EFL1: variants seen among roughly 807,000 people sequenced by gnomAD.
EFL1 encodes elongation factor-like GTPase 1.
EFL1 carries 76 observed loss-of-function variants against 126.7 expected under a neutral mutation model. The ratio of observed to expected loss-of-function variants is 0.60; its 90% CI spans 0.50 to 0.73. The LOEUF (loss-of-function observed/expected upper bound fraction) is 0.73, where lower values mean the gene tolerates loss of function less well. Ranked by LOEUF, EFL1 falls within the 30% of genes least tolerant of loss-of-function variation. The pLI, the probability that EFL1 is intolerant of heterozygous loss-of-function variation, is 0.00. For missense variants in EFL1, 1,128 were observed against 1,343.2 expected (o/e 0.84, Z 2.50); for synonymous variants, 410 against 448.4 (o/e 0.91, Z 1.08).
At chr15:82,252,405 A>C in intron 4 of EFL1, among the ~76,000 whole-genome samples, 1 of 152,228 alleles carries the variant, frequency 6.6e-6, no homozygotes, top group East Asian at 1.9e-4. Flanking sequence ...AGGCTGAACC[A>C]GCTAAAGTCC....
chr15:82,203,091 G>A (rs771534916), intron 15 of EFL1, among the ~76,000 whole-genome samples: 2 of 152,048 alleles, frequency 1.3e-5, no homozygotes, highest in African/African-American at 2.4e-5. Context: ...GATTACAGGC[G>A]TGACCCACCA....
chr15:82,238,309 A>G lies in EFL1; in HGVS notation c.729T>C (p.Phe243=), dbSNP rs761607667. 6.2e-7 allele frequency: 1 copy of G among 1,614,034 alleles called. No homozygotes were observed. Among genetic ancestry groups the G allele is most frequent in the Admixed American group, 1.7e-5 (1 of 60,018 alleles). The change falls in exon 7 of 20, where the codon TTT becomes TTC. Residue 243 remains phenylalanine, a splice_region_variant and synonymous_variant. Coordinates refer to ENST00000268206, the MANE Select transcript of EFL1 (RefSeq NM_024580.6). ...VFTSAIDGWG[F]GIEHFARIYS... is the part of the protein sequence containing the mutation. ...TAATCAGATGCAAACAGACTTACCC[A>G]AAGCCCCACCCATCTATTGCACTGG...
intron 12 of EFL1, among the ~76,000 whole-genome samples, chr15:82,221,503 C>T (rs1806282435): frequency 6.6e-6 from 1 of 152,146 alleles, no homozygotes. Flanking sequence ...CAGATATCCG[C>T]CTGCTGGACA....
chr15:82,176,598 C>T (rs1352077231), intron 15 of EFL1, among the ~76,000 whole-genome samples: 2 of 152,152 alleles, frequency 1.3e-5, no homozygotes, highest in African/African-American at 4.8e-5. Context: ...CTTCTCTAGT[C>T]ACCAGCAAAA....
intron 15 of EFL1, among the ~76,000 whole-genome samples, chr15:82,176,821 G>C (rs2074200481): frequency 1.3e-5 from 2 of 152,066 alleles, no homozygotes; most frequent in South Asian, 4.1e-4. Flanking sequence ...ACATGTATAA[G>C]AATATTCAAA....
intron 15 of EFL1, among the ~76,000 whole-genome samples, chr15:82,181,114 T>C (rs917547031): frequency 1.3e-5 from 2 of 152,138 alleles, no homozygotes; most frequent in Non-Finnish European, 2.9e-5. Flanking sequence ...ATGGATAAAA[T>C]GGTATCCCAA....
At chr15:82,171,428 G>T (rs992322646) in intron 15 of EFL1, among the ~76,000 whole-genome samples, 3 of 152,174 alleles carry the variant, frequency 2.0e-5, no homozygotes, top group African/African-American at 7.2e-5. Flanking sequence ...TGGGAATGTG[G>T]AAATGACGAA....
At chr15:82,142,408 T>A (rs191470913) in intron 18 of EFL1, among the ~76,000 whole-genome samples, 16 of 152,236 alleles carry the variant, frequency 1.1e-4, no homozygotes, top group African/African-American at 3.9e-4. Flanking sequence ...GAGGATCATC[T>A]GAGCTCAGGA....
rs144726723 is a variant in EFL1, at chr15:82,172,503, C to T, written c.1751-8519G>A. Among the ~76,000 whole-genome samples, 3 of 152,256 alleles carry T rather than the reference C, an allele frequency of 2.0e-5. No homozygotes were observed. In the East Asian group the frequency reaches 5.8e-4, roughly 29 times the overall value. ...CTTTGCATGTGTGAAAATATCTTCC[C>T]GTACAAGAATTACCCTCTTTGTACA... On this transcript the variant is annotated intron_variant, in intron 15 of 19. Coordinates refer to ENST00000268206, the MANE Select transcript of EFL1 (RefSeq NM_024580.6).
At chr15:82,247,591 T>TA (rs1779288344) in intron 4 of EFL1, among the ~76,000 whole-genome samples, 3 of 152,042 alleles carry the variant, frequency 2.0e-5, no homozygotes, top group African/African-American at 7.3e-5. Context: ...AACCCAGAGA[T>TA]ACGTGGAACA....
At chr15:82,176,362 C>T (rs2074196367) in intron 15 of EFL1, among the ~76,000 whole-genome samples, 1 of 152,108 alleles carries the variant, frequency 6.6e-6, no homozygotes, top group South Asian at 2.1e-4. Flanking sequence ...AAACTAAGAA[C>T]TTCCGTTTAT....
At chr15:82,173,822 T>A (rs2074162032) in intron 15 of EFL1, among the ~76,000 whole-genome samples, 1 of 152,174 alleles carries the variant, frequency 6.6e-6, no homozygotes, top group Admixed American at 6.5e-5. Flanking sequence ...ATTTTATTTT[T>A]TCTATATTTA....
At position 82,151,682 on chromosome 15, in the gene EFL1, T is replaced by G. The variant is rs1294297982; in HGVS notation, c.2772A>C (p.Gly924=). 11 of 1,614,182 alleles carry G rather than the reference T, an allele frequency of 6.8e-6. No homozygotes were observed. Among genetic ancestry groups the G allele is most frequent in the Non-Finnish European group, 9.3e-6 (11 of 1,180,024 alleles). ...CATCTTGTAGCTCTTGGTTTTCATT[T>G]CCACCAGAACAGGTTTCATTTTCCT... ...GQEENETCSG[G]NENQELQDGC... Residue 924 remains glycine, a synonymous_variant, in exon 18 of 20, where the codon GGA becomes GGC. Coordinates refer to ENST00000268206, the MANE Select transcript of EFL1 (RefSeq NM_024580.6).
At chr15:82,207,508 T>C (rs373739112) in intron 15 of EFL1, among the ~76,000 whole-genome samples, 14 of 151,918 alleles carry the variant, frequency 9.2e-5, no homozygotes, top group Non-Finnish European at 1.8e-4. Flanking sequence ...AAAAACAGTA[T>C]AGGAAGTATG....
intron 15 of EFL1, among the ~76,000 whole-genome samples, chr15:82,203,328 T>C (rs1567061614): frequency 6.6e-6 from 1 of 152,198 alleles, no homozygotes; most frequent in Admixed American, 6.5e-5. Flanking sequence ...TTTTATTGCA[T>C]ATATATCTGT....
chr15:82,204,995 G>A (rs1366451202), intron 15 of EFL1, among the ~76,000 whole-genome samples: 2 of 152,188 alleles, frequency 1.3e-5, no homozygotes, highest in Non-Finnish European at 2.9e-5. Flanking sequence ...AACCACAGAT[G>A]GAAATGAAGA....
At chr15:82,167,863 C>T (rs1328035459) in intron 15 of EFL1, among the ~76,000 whole-genome samples, 1 of 152,144 alleles carries the variant, frequency 6.6e-6, no homozygotes, top group African/African-American at 2.4e-5. Context: ...CTCTTAATCA[C>T]CAAAGTTTTA....
chr15:82,239,160 G>A (rs549593511), intron 6 of EFL1, among the ~76,000 whole-genome samples: 36 of 152,046 alleles, frequency 2.4e-4, no homozygotes, highest in African/African-American at 8.0e-4. Context: ...TTTCTGAGGT[G>A]GAGTCTCGCT....
intron 15 of EFL1, among the ~76,000 whole-genome samples, chr15:82,206,698 A>G (rs1165289163): frequency 6.6e-6 from 1 of 152,166 alleles, no homozygotes; most frequent in East Asian, 1.9e-4. Flanking sequence ...CTATGAGCAT[A>G]AAGTACCAAA....
Sources: gnomAD v4.1 joint callset for allele counts (sites outside exome capture counted in the v4.1 genomes callset) on GRCh38, gnomAD v4.1.1 for gene constraint, MANE v1.5 for transcripts, NCBI Gene and HGNC (gene_info 2026-07-23, HGNC 2026-07-21) for gene names.